The following KIF13A variants were observed in gnomAD, a reference collection of about 807,000 sequenced individuals.
KIF13A encodes kinesin family member 13A.
In KIF13A, 79 loss-of-function variants were observed where a neutral mutation model predicts 212.2. The ratio of observed to expected loss-of-function variants is 0.37; its 90% confidence interval spans 0.31 to 0.45. The LOEUF is 0.45. Ranked by LOEUF, KIF13A falls within the 20% of genes least tolerant of loss-of-function variation. The probability of loss-of-function intolerance (pLI) is 1.00; values close to 1 mark genes in which losing one functional copy is unlikely to be tolerated. For missense variants in KIF13A, 1,901 were observed against 2,209.0 expected, an observed-to-expected ratio of 0.86 and a Z score of 2.79; for synonymous variants, 789 against 808.6, an observed-to-expected ratio of 0.98 and a Z score of 0.41.
At chr6:17,848,300 A>T (rs746924433) in intron 9 of KIF13A, among the ~76,000 whole-genome samples, 3 of 152,134 alleles carry the variant, frequency 2.0e-5, no homozygotes, top group Admixed American at 6.5e-5. Flanking sequence ...AATATACAAC[A>T]TACTGTCAAT....
In KIF13A at chr6:17,898,205, C is replaced by T; in HGVS notation, c.147-25G>A. 6.2e-7 allele frequency: 1 copy of T among 1,611,204 alleles called. No individual in the cohort carries two copies. The highest frequency in any genetic ancestry group is 8.5e-7 in the Non-Finnish European group (1 of 1,178,304). On this transcript the variant is annotated intron_variant, in intron 2 of 38. Transcript: ENST00000259711. The surrounding 1 kb of genome is among the most constrained non-coding windows in gnomAD (Gnocchi z 5.2). ...CCTTAATGATGGGAAAAAAAAAATT[C>T]AGCAGCAGGGATACAGAGGGTTGTC...
intron 2 of KIF13A, chr6:17,953,938 A>T (rs142454737): frequency 3.1e-4 from 56 of 179,014 alleles, no homozygotes; most frequent in African/African-American, 1.2e-3. Flanking sequence ...AAATGCAAGA[A>T]ATGAACAAAT....
At chr6:17,824,775 A>AC (rs1562021241) in intron 16 of KIF13A, among the ~76,000 whole-genome samples, 4 of 148,166 alleles carry the variant, frequency 2.7e-5, no homozygotes, top group African/African-American at 1.0e-4. Flanking sequence ...AAAAAAAAAA[A>AC]AAAAACAAAA....
At chr6:17,917,235 CTTTTTTTTTTT>C (rs71002284) in intron 2 of KIF13A, among the ~76,000 whole-genome samples, 4 of 79,098 alleles carry the variant, frequency 5.1e-5, no homozygotes, top group East Asian at 3.6e-4. Context: ...TTACACGATT[CTTTTTTTTTTT>C]TTTTTTTTTT....
rs372350975 is a variant in KIF13A, at chr6:17,824,823, C to T, written c.1786+945G>A. ...CTTCAAGCCCCCTGTCAGGTAGAGG[C>T]TGCCTGTCTTAGGGCCCTCAGGGCC... On this transcript the variant is annotated intron_variant, in intron 16 of 38. Transcript: ENST00000259711. Among the ~76,000 whole-genome samples, 60 of 150,840 alleles carry T rather than the reference C, an allele frequency of 4.0e-4. No individual in the cohort carries two copies. In the East Asian group the frequency reaches 6.3e-3, roughly 16 times the overall value.
rs1035706585 is a variant in KIF13A at position 17,825,034 on chromosome 6, T to C, written c.1786+734A>G. On this transcript the variant is annotated intron_variant, in intron 16 of 38. Coordinates refer to ENST00000259711, the MANE Select transcript of KIF13A (RefSeq NM_022113.6). This position sits in a 1 kb window ranked among gnomAD's most constrained non-coding sequence, Gnocchi z 4.5. ...TCTTGTGGTTGGTAACAGGTGAACA[T>C]TGCTTCTGGCTTCTAAGTCCCAGTC... Among the ~76,000 whole-genome samples, 4 of 152,174 alleles carry C rather than the reference T, an allele frequency of 2.6e-5. No homozygotes were observed. Among genetic ancestry groups the C allele is most frequent in the Admixed American group, 6.5e-5 (1 of 15,282 alleles).
intron 2 of KIF13A, among the ~76,000 whole-genome samples, chr6:17,975,489 T>C (rs77563259): frequency 2.0e-5 from 3 of 152,104 alleles, no homozygotes; most frequent in Admixed American, 6.6e-5. Context: ...TTACAGCTTA[T>C]AAAGACAATG....
At chr6:17,845,841 G>A (rs757773997) in intron 9 of KIF13A, among the ~76,000 whole-genome samples, 76 of 152,170 alleles carry the variant, frequency 5.0e-4, no homozygotes, top group Non-Finnish European at 3.8e-4. Flanking sequence ...GGAGTAACAT[G>A]TGCTTAAAGG....
rs1561820470 is a variant in KIF13A at position 17,971,567 on chromosome 6, G to A, written c.146+15487C>T. Among the ~76,000 whole-genome samples the A allele has an allele frequency of 6.6e-6, 1 of 151,946 alleles. No individual in the cohort carries two copies. Among genetic ancestry groups the A allele is most frequent in the Non-Finnish European group, 1.5e-5 (1 of 68,016 alleles). Reference sequence around the variant, plus strand: ...CCTGCAAGTAGCTGGGACTACAAGTGAGCACTACTACCACACCCAGCTAAT... The same window carrying A: ...CCTGCAAGTAGCTGGGACTACAAGTAAGCACTACTACCACACCCAGCTAAT... On this transcript the variant is annotated intron_variant, in intron 2 of 38. Transcript: ENST00000259711. The surrounding 1 kb of genome is among the most constrained non-coding windows in gnomAD (Gnocchi z 4.2).
intron 12 of KIF13A, among the ~76,000 whole-genome samples, chr6:17,832,270 TTTAAC>T (rs1342765990): frequency 1.3e-5 from 2 of 152,236 alleles, no homozygotes; most frequent in African/African-American, 2.4e-5. Flanking sequence ...TCCTTTATAT[TTTAAC>T]TTAAGTAAAA....
rs1279986761 is a variant in KIF13A at position 17,826,272 on chromosome 6, T to C, written c.1533-148A>G. 1 of 637,454 alleles carries C rather than the reference T, an allele frequency of 1.6e-6. No individual in the cohort carries two copies. Among genetic ancestry groups the C allele is most frequent in the African/African-American group, 1.8e-5 (1 of 54,630 alleles). The allele number at this position is 637,454 out of a possible 1,614,324, so 39.5% of individuals were successfully genotyped here. On this transcript the variant is annotated intron_variant, in intron 14 of 38. Transcript: ENST00000259711. The surrounding 1 kb of genome is among the most constrained non-coding windows in gnomAD (Gnocchi z 4.7). ...AAGGAAGAGCAGAATGTGTAACCAC[T>C]ATGAAAACACACAATCTAAGCCATG...
At chr6:17,814,046 A>C (rs375316899) in intron 17 of KIF13A, among the ~76,000 whole-genome samples, 2 of 132,650 alleles carry the variant, frequency 1.5e-5, no homozygotes, top group Non-Finnish European at 3.1e-5. Context: ...TCCGCCTCCC[A>C]GGTTCACGCC....
In KIF13A at chr6:17,963,855, A is replaced by G. The variant is rs754643207; in HGVS notation, c.146+23199T>C. Among the ~76,000 whole-genome samples the G allele has an allele frequency of 3.9e-5, 6 of 152,196 alleles. No homozygotes were observed. The highest frequency in any genetic ancestry group is 7.3e-5 in the Non-Finnish European group (5 of 68,034). Reference sequence around the variant, plus strand: ...CGGGCGTGAGCCACCATGCCTGGCCAATATGTTCTATATCTTAATGGTGAT... The same window carrying G: ...CGGGCGTGAGCCACCATGCCTGGCCGATATGTTCTATATCTTAATGGTGAT... On this transcript the variant is annotated intron_variant, in intron 2 of 38. Coordinates refer to ENST00000259711, the MANE Select transcript of KIF13A (RefSeq NM_022113.6). The surrounding 1 kb of genome is among the most constrained non-coding windows in gnomAD (Gnocchi z 4.1).
At chr6:17,940,549 C>T (rs996842912) in intron 2 of KIF13A, among the ~76,000 whole-genome samples, 1 of 152,094 alleles carries the variant, frequency 6.6e-6, no homozygotes, top group African/African-American at 2.4e-5. Flanking sequence ...TTCCTTCTTT[C>T]AAGAGGCAGC....
rs1361153928 is a variant in KIF13A at position 17,799,024 on chromosome 6, T to C, written c.2790+242A>G. ...GAGCATAGAAAGTAGTTTAATGAAA[T>C]ATGTAGCAACCTGTCACTGGTGGTT... is the stretch of plus-strand genomic sequence containing the variant. On this transcript the variant is annotated intron_variant, in intron 22 of 38. Coordinates refer to ENST00000259711, the MANE Select transcript of KIF13A (RefSeq NM_022113.6). The surrounding 1 kb of genome is among the most constrained non-coding windows in gnomAD (Gnocchi z 4.4). Among the ~76,000 whole-genome samples, 1 of 152,214 alleles carries C rather than the reference T, an allele frequency of 6.6e-6. No individual in the cohort carries two copies. The highest frequency in any genetic ancestry group is 2.4e-5 in the African/African-American group (1 of 41,450).
intron 3 of KIF13A, among the ~76,000 whole-genome samples, chr6:17,882,466 T>G (rs766259750): frequency 1.3e-5 from 2 of 152,210 alleles, no homozygotes; most frequent in African/African-American, 2.4e-5. Context: ...TAAAGAAATA[T>G]TTCTGGACAT....
intron 17 of KIF13A, among the ~76,000 whole-genome samples, chr6:17,810,894 G>A (rs1449693792): frequency 3.9e-5 from 6 of 152,186 alleles, no homozygotes; most frequent in African/African-American, 1.4e-4. Flanking sequence ...CACAGATGAA[G>A]CTTCGCTTGC....
intron 2 of KIF13A, among the ~76,000 whole-genome samples, chr6:17,957,248 C>T (rs547958214): frequency 6.6e-4 from 101 of 152,242 alleles, no homozygotes; most frequent in African/African-American, 2.3e-3. Flanking sequence ...AACCCTCAAG[C>T]ACAAAGTTTG....
chr6:17,806,054 G>A (rs1418701467), intron 18 of KIF13A, among the ~76,000 whole-genome samples: 3 of 151,414 alleles, frequency 2.0e-5, no homozygotes, highest in African/African-American at 7.3e-5. Context: ...CAAGTAGCTG[G>A]GACTATAGGC....
Sources: gnomAD v4.1 joint callset for allele counts (sites outside exome capture counted in the v4.1 genomes callset) on GRCh38, gnomAD v4.1.1 for gene constraint, Gnocchi (gnomAD v3.1) non-coding constraint, MANE v1.5 for transcripts, NCBI Gene and HGNC (gene_info 2026-07-23, HGNC 2026-07-21) for gene names.